The following COG6 variants were observed in gnomAD, a reference collection of about 807,000 sequenced individuals.
COG6 encodes the protein conserved oligomeric Golgi complex subunit 6.
Under a neutral mutation model 88.8 loss-of-function variants are expected in COG6, and 74 were observed. The observed-to-expected ratio is 0.83, with a 90% CI of 0.69 to 1.01. The LOEUF is 1.01. COG6 is among the 50% of genes least tolerant of loss of function. COG6 has a pLI of 0.00. For synonymous variants in COG6, 286 were observed against 278.7 expected (o/e 1.03, Z -0.26); for missense variants, 800 against 797.9 (o/e 1.00, Z -0.03).
intron 13 of COG6, among the ~76,000 whole-genome samples, chr13:39,708,923 C>G (rs1878089609): frequency 6.6e-6 from 1 of 151,880 alleles, no homozygotes; most frequent in Non-Finnish European, 1.5e-5. Flanking sequence ...CAGGTATAGC[C>G]TTTCTTAAAT....
At chr13:39,679,323 T>G in intron 5 of COG6, 1 of 546,052 alleles carries the variant, frequency 1.8e-6, no homozygotes, top group Non-Finnish European at 3.3e-6. Context: ...ATTTGGCACA[T>G]AGTAGAAACT....
chr13:39,676,511 A>AT (rs1171255602), intron 4 of COG6, among the ~76,000 whole-genome samples: 20 of 152,016 alleles, frequency 1.3e-4, no homozygotes, highest in Admixed American at 1.0e-3. Flanking sequence ...CACCTGGAGG[A>AT]TTTTTGCTTG....
At chr13:39,754,467 AAC>A (rs1880767678), downstream of COG6, among the ~76,000 whole-genome samples, 2 of 152,202 alleles carry the variant, frequency 1.3e-5, no homozygotes, top group South Asian at 4.1e-4. Flanking sequence ...TGGAGAGGGA[AAC>A]ACAGGATGTG....
intron 11 of COG6, among the ~76,000 whole-genome samples, 167 bp downstream of exon 11, chr13:39,689,991 T>A (rs1323023977): frequency 6.6e-6 from 1 of 151,994 alleles, no homozygotes; most frequent in African/African-American, 2.4e-5. Flanking sequence ...AATTGCCAGT[T>A]TTCTCTCTGA....
intron 18 of COG6, among the ~76,000 whole-genome samples, chr13:39,737,323 A>G (rs1285433242): frequency 6.6e-6 from 1 of 152,006 alleles, no homozygotes; most frequent in Non-Finnish European, 1.5e-5. Flanking sequence ...CTGCATGACT[A>G]CTGCCTATGT....
At chr13:39,663,955 A>G (rs1211146013) in intron 3 of COG6, 1 of 153,440 alleles carries the variant, frequency 6.5e-6, no homozygotes, top group Admixed American at 6.5e-5. Flanking sequence ...TTCTTAAAAA[A>G]TCTATTTCCT....
intron 12 of COG6, among the ~76,000 whole-genome samples, chr13:39,698,411 A>G (rs1877393138): frequency 6.6e-6 from 1 of 151,976 alleles, no homozygotes; most frequent in African/African-American, 2.4e-5. Flanking sequence ...TTTAAAATAT[A>G]AGTATTATGG....
intron 11 of COG6, 45 bp from the exon 12 acceptor site, chr13:39,694,589 T>C (rs1365032792): frequency 1.7e-6 from 2 of 1,211,940 alleles, no homozygotes; most frequent in Non-Finnish European, 1.2e-6. Context: ...GAAAAAAAGT[T>C]ATACTTTTAA....
chr13:39,788,303 C>G (rs751430495), intron 18 of COG6: 1 of 1,551,298 alleles, frequency 6.4e-7, no homozygotes, highest in Non-Finnish European at 8.7e-7. Context: ...CCATCAGCAA[C>G]ATTGTCTTTG....
intron 5 of COG6, chr13:39,677,959 A>C (rs1413888649): frequency 2.8e-6 from 1 of 354,160 alleles, no homozygotes; most frequent in Non-Finnish European, 5.4e-6. Context: ...AAATGTGAGG[A>C]TTTAGCCTTC....
At chr13:39,766,788 C>T (rs17591231) in intron 18 of COG6, among the ~76,000 whole-genome samples, 63,166 of 151,972 alleles carry the variant, frequency 0.42, 13,520 homozygotes, top group Admixed American at 0.57. Context: ...GTTGAGAGTT[C>T]TATTTGCCAG....
intron 3 of COG6, among the ~76,000 whole-genome samples, chr13:39,661,524 A>C (rs994915940): frequency 6.6e-6 from 1 of 152,180 alleles, no homozygotes; most frequent in Non-Finnish European, 1.5e-5. Flanking sequence ...TCATTAATGC[A>C]TATTCTACAG....
chr13:39,765,001 T>G (rs1881124570), intron 18 of COG6, among the ~76,000 whole-genome samples: 1 of 152,206 alleles, frequency 6.6e-6, no homozygotes, highest in South Asian at 2.1e-4. Context: ...TTTTGTCAGT[T>G]TTTGCTTTAT....
intron 18 of COG6, among the ~76,000 whole-genome samples, chr13:39,765,270 G>A (rs1881131485): frequency 1.3e-5 from 2 of 152,038 alleles, no homozygotes; most frequent in Non-Finnish European, 2.9e-5. Context: ...AGCCAATCAC[G>A]GATATATGAA....
chr13:39,771,870 A>G (rs1337468263), intron 18 of COG6, among the ~76,000 whole-genome samples: 1 of 152,238 alleles, frequency 6.6e-6, no homozygotes, highest in Non-Finnish European at 1.5e-5. Flanking sequence ...TCCTGGCGCT[A>G]TACTTGGTGC....
intron 18 of COG6, among the ~76,000 whole-genome samples, chr13:39,779,228 GGT>G (rs1881557034): frequency 7.2e-6 from 1 of 139,322 alleles, no homozygotes; most frequent in Non-Finnish European, 1.6e-5. Context: ...AACAGTGCAG[GGT>G]GTATGGTAAG....
At chr13:39,701,929 G>A (rs1877604569) in intron 13 of COG6, among the ~76,000 whole-genome samples, 1 of 151,950 alleles carries the variant, frequency 6.6e-6, no homozygotes, top group South Asian at 2.1e-4. Flanking sequence ...GAAAACAAAA[G>A]CAGAATTATT....
upstream of COG6, chr13:39,655,644 G>T (rs1252878776): frequency 3.4e-6 from 5 of 1,488,372 alleles, no homozygotes; most frequent in South Asian, 2.4e-5. Flanking sequence ...ATGCGCGGCC[G>T]ATTTGCACAT....
At chr13:39,694,247 ATATT>A (rs1394986402) in intron 11 of COG6, among the ~76,000 whole-genome samples, 1 of 151,820 alleles carries the variant, frequency 6.6e-6, no homozygotes, top group African/African-American at 2.4e-5. Flanking sequence ...TTTTTCTTGA[ATATT>A]TAGCAATAAA....
Sources: gnomAD v4.1 joint callset for allele counts (sites outside exome capture counted in the v4.1 genomes callset) on GRCh38, gnomAD v4.1.1 for gene constraint, MANE v1.5 for transcripts, NCBI Gene and HGNC (gene_info 2026-07-23, HGNC 2026-07-21) for gene names.